DLG2: variants seen among roughly 807,000 people sequenced by gnomAD.
The protein encoded by DLG2 is discs large MAGUK scaffold protein 2.
DLG2 carries 45 observed loss-of-function variants against 132.5 expected under a neutral mutation model. The ratio of observed to expected loss-of-function variants is 0.34; its 90% CI spans 0.27 to 0.44. The LOEUF (loss-of-function observed/expected upper bound fraction) is 0.44. DLG2 is among the 20% of genes least tolerant of loss of function. DLG2 has a pLI of 1.00. For synonymous variants in DLG2, 424 were observed against 419.6 expected (o/e 1.01, Z -0.13); for missense variants, 1,045 against 1,196.9 (o/e 0.87, Z 1.87).
At chr11:84,428,986 A>G (rs2098975805) in intron 7 of DLG2, among the ~76,000 whole-genome samples, 1 of 152,172 alleles carries the variant, frequency 6.6e-6, no homozygotes, top group Admixed American at 6.5e-5. Context: ...GGAGGGTGAG[A>G]AAGGAAGAGA....
chr11:83,476,869 T>G (rs910701973), intron 22 of DLG2, among the ~76,000 whole-genome samples: 9 of 152,014 alleles, frequency 5.9e-5, no homozygotes, highest in Non-Finnish European at 1.2e-4. Flanking sequence ...AGAAATTAAA[T>G]GAGATAATAG....
intron 3 of DLG2, among the ~76,000 whole-genome samples, chr11:85,356,625 A>T (rs901361007): frequency 6.6e-6 from 1 of 152,224 alleles, no homozygotes; most frequent in Non-Finnish European, 1.5e-5. Context: ...AGCATGTACT[A>T]GTCCATTGAT....
chr11:85,428,668 G>C (rs1250606668), intron 3 of DLG2, among the ~76,000 whole-genome samples: 1 of 152,184 alleles, frequency 6.6e-6, no homozygotes, highest in African/African-American at 2.4e-5. Flanking sequence ...GCCCACAAGA[G>C]AAAGAAGGAA....
chr11:85,550,308 T>C (rs2076586400), intron 3 of DLG2, among the ~76,000 whole-genome samples: 1 of 152,206 alleles, frequency 6.6e-6, no homozygotes, highest in Non-Finnish European at 1.5e-5. Flanking sequence ...ATGGCAGAGC[T>C]AAAAGAGCAC....
In DLG2 at chr11:85,496,108, C is replaced by G. The variant is rs117763923; in HGVS notation, c.40+102549G>C. Among the ~76,000 whole-genome samples, 727 of 152,322 alleles carry G rather than the reference C, an allele frequency of 4.8e-3. 3 individuals carry two copies. The highest frequency in any genetic ancestry group is 7.3e-3 in the Non-Finnish European group (497 of 68,032). On this transcript the variant is annotated intron_variant, in intron 3 of 27. Transcript: ENST00000376104. ...AAGCAGGGCACGGTGTCACATCACA[C>G]AGGAAGTGCAACTGGTTGGGGGATT...
At chr11:85,138,493 C>G (rs1287659485) in intron 5 of DLG2, among the ~76,000 whole-genome samples, 1 of 152,122 alleles carries the variant, frequency 6.6e-6, no homozygotes, top group Non-Finnish European at 1.5e-5. Flanking sequence ...ATATAAATAA[C>G]CTCAGCAGTA....
intron 7 of DLG2, among the ~76,000 whole-genome samples, chr11:84,483,096 T>C (rs754243538): frequency 6.6e-6 from 1 of 152,138 alleles, no homozygotes; most frequent in Non-Finnish European, 1.5e-5. Flanking sequence ...CATTATTCAT[T>C]AAGGAATACA....
chr11:83,628,423 G>A (rs540517050), intron 19 of DLG2, among the ~76,000 whole-genome samples: 1 of 152,286 alleles, frequency 6.6e-6, no homozygotes, highest in African/African-American at 2.4e-5. Context: ...CTTAAATGCT[G>A]CTCTACAATG....
chr11:83,776,571 G>C (rs1174087167), intron 18 of DLG2, among the ~76,000 whole-genome samples: 7 of 152,152 alleles, frequency 4.6e-5, no homozygotes, highest in Non-Finnish European at 1.0e-4. Context: ...GCCAGCCTCA[G>C]GCCTAAAACC....
intron 18 of DLG2, among the ~76,000 whole-genome samples, chr11:83,648,656 G>T (rs1432978026): frequency 2.0e-5 from 3 of 152,092 alleles, no homozygotes; most frequent in Non-Finnish European, 4.4e-5. Flanking sequence ...AAGTACAAAA[G>T]CATTGTGTGA....
intron 18 of DLG2, among the ~76,000 whole-genome samples, chr11:83,782,727 G>C (rs1348594934): frequency 6.6e-6 from 1 of 152,124 alleles, no homozygotes; most frequent in Non-Finnish European, 1.5e-5. Context: ...TGTGGGTGGT[G>C]GAGGGGTGAG....
chr11:84,411,942 G>C (rs150536986), intron 7 of DLG2, among the ~76,000 whole-genome samples: 78 of 151,350 alleles, frequency 5.2e-4, no homozygotes, highest in Middle Eastern at 7.2e-3. Context: ...TACCCTGATT[G>C]TGCCAAATAC....
Position 84,465,321 on chromosome 11 carries a change from G to C in DLG2, c.519+69249C>G, listed in dbSNP as rs535734322. Among the ~76,000 whole-genome samples, 16 of 151,170 alleles carry C rather than the reference G, an allele frequency of 1.1e-4. 1 individual carries two copies. The South Asian group carries it at 3.3e-3, about 31-fold the overall frequency. Reference sequence around the variant, plus strand: ...CAGGACCAGATGGCTTCTGCCAGTGGGTTTTTGTTTTTATTTTAAACTGCT... The same window carrying C: ...CAGGACCAGATGGCTTCTGCCAGTGCGTTTTTGTTTTTATTTTAAACTGCT... On this transcript the variant is annotated intron_variant, in intron 7 of 27. Transcript: ENST00000376104.
At chr11:85,033,870 CTTT>C in intron 6 of DLG2, among the ~76,000 whole-genome samples, 1 of 152,026 alleles carries the variant, frequency 6.6e-6, no homozygotes, top group East Asian at 1.9e-4. Flanking sequence ...TTTTTTTCTT[CTTT>C]ATCGTTAGAT....
intron 6 of DLG2, among the ~76,000 whole-genome samples, chr11:85,101,371 G>C (rs745844262): frequency 1.6e-4 from 24 of 152,070 alleles, no homozygotes; most frequent in Non-Finnish European, 2.8e-4. Context: ...AGACAATACA[G>C]TAAAATCATA....
At chr11:84,236,735 A>G (rs1242532059) in intron 8 of DLG2, among the ~76,000 whole-genome samples, 1 of 152,184 alleles carries the variant, frequency 6.6e-6, no homozygotes, top group Non-Finnish European at 1.5e-5. Context: ...ACACTAACCC[A>G]ACCACCCATT....
chr11:84,685,072 C>T (rs2099736937), intron 6 of DLG2, among the ~76,000 whole-genome samples: 1 of 152,198 alleles, frequency 6.6e-6, no homozygotes, highest in South Asian at 2.1e-4. Flanking sequence ...AGCATCCAGG[C>T]ATTCCTATTT....
intron 6 of DLG2, among the ~76,000 whole-genome samples, chr11:84,742,054 C>T (rs1217765340): frequency 6.6e-6 from 1 of 151,730 alleles, no homozygotes; most frequent in Non-Finnish European, 1.5e-5. Context: ...CAACAAAATA[C>T]TAGACCAAGC....
At chr11:84,502,300 T>C (rs1396588622) in intron 7 of DLG2, among the ~76,000 whole-genome samples, 2 of 2,156 alleles carry the variant, frequency 9.3e-4, no homozygotes, top group African/African-American at 4.5e-3. Context: ...CTTTCTTTCT[T>C]TCTTTCTTTC....
Sources: gnomAD v4.1 joint callset for allele counts (sites outside exome capture counted in the v4.1 genomes callset) on GRCh38, gnomAD v4.1.1 for gene constraint, MANE v1.5 for transcripts, NCBI Gene and HGNC (gene_info 2026-07-23, HGNC 2026-07-21) for gene names.